Variants in ZNF605 observed in about 807,000 individuals in gnomAD.
The protein encoded by ZNF605 is zinc finger protein 605.
In ZNF605, 9 loss-of-function variants were observed where a neutral mutation model predicts 7.9. The ratio of observed to expected loss-of-function variants is 1.14; its 90% CI spans 0.68 to 1.98. ZNF605 has a LOEUF of 1.98. Ranked by LOEUF, ZNF605 falls within the 30% of genes most tolerant of loss-of-function variation. ZNF605 has a pLI of 0.00. For missense variants in ZNF605, 673 were observed against 762.4 expected, an observed-to-expected ratio of 0.88 and a Z score of 1.38; for synonymous variants, 255 against 260.1, an observed-to-expected ratio of 0.98 and a Z score of 0.19.
intron 3 of ZNF605, among the ~76,000 whole-genome samples, chr12:132,940,414 C>T (rs1952423993): frequency 6.6e-6 from 1 of 152,198 alleles, no homozygotes; most frequent in Non-Finnish European, 1.5e-5. Context: ...CAAGGCTTTA[C>T]CCTGTGGGCC....
chr12:132,950,938 C>T (rs958518838), intron 1 of ZNF605, among the ~76,000 whole-genome samples: 5 of 149,726 alleles, frequency 3.3e-5, no homozygotes, highest in South Asian at 4.2e-4. Context: ...TACACAGACA[C>T]GTACACATAG....
At chr12:132,939,084 C>A (rs1290026821) in intron 3 of ZNF605, among the ~76,000 whole-genome samples, 1 of 151,800 alleles carries the variant, frequency 6.6e-6, no homozygotes, top group African/African-American at 2.4e-5. Context: ...ACGAGCACCA[C>A]CCCCTGCTCC....
chr12:132,940,371 T>C (rs1228353574), intron 3 of ZNF605, among the ~76,000 whole-genome samples: 1 of 152,172 alleles, frequency 6.6e-6, no homozygotes, highest in Non-Finnish European at 1.5e-5. Context: ...AAAAGGTCTG[T>C]GCGAAATTTC....
intron 4 of ZNF605, among the ~76,000 whole-genome samples, chr12:132,931,983 G>A (rs1952312841): frequency 6.6e-6 from 1 of 152,218 alleles, no homozygotes; most frequent in Admixed American, 6.5e-5. Flanking sequence ...CTGTTGCCTA[G>A]CACATCCATG....
At chr12:132,939,828 A>G (rs7307417) in intron 3 of ZNF605, among the ~76,000 whole-genome samples, 2,275 of 149,288 alleles carry the variant, frequency 0.015, 87 homozygotes, top group African/African-American at 0.055. Flanking sequence ...CACCGCGAAG[A>G]TCTGCAGCTT....
intron 3 of ZNF605, among the ~76,000 whole-genome samples, chr12:132,934,032 G>A (rs1051556823): frequency 1.1e-4 from 16 of 152,060 alleles, no homozygotes; most frequent in African/African-American, 2.2e-4. Flanking sequence ...TGAGGTGGGC[G>A]GATCACCTGA....
chr12:132,950,833 C>T (rs1446601804), intron 1 of ZNF605, among the ~76,000 whole-genome samples: 6 of 151,208 alleles, frequency 4.0e-5, no homozygotes, highest in Non-Finnish European at 8.8e-5. Flanking sequence ...ACACTGATAA[C>T]GAACATCACA....
chr12:132,927,682 G>C (rs1315113741), intron 4 of ZNF605, among the ~76,000 whole-genome samples: 2 of 144,544 alleles, frequency 1.4e-5, no homozygotes, highest in African/African-American at 2.6e-5. Context: ...TTTTTAGAGG[G>C]AGTCTCACTC....
At chr12:132,932,050 G>A (rs2137131963) in intron 4 of ZNF605, among the ~76,000 whole-genome samples, 2 of 152,264 alleles carry the variant, frequency 1.3e-5, no homozygotes, top group South Asian at 4.2e-4. Context: ...CAGCCTCCCA[G>A]GTAGCTGGCA....
In ZNF605 at chr12:132,941,962, C is replaced by A. The variant is rs1024885761; in HGVS notation, c.15+3659G>T. On this transcript the variant is annotated intron_variant, in intron 3 of 4. Transcript: ENST00000360187. This position sits in a 1 kb window ranked among gnomAD's most constrained non-coding sequence, Gnocchi z 5.1. Reference sequence around the variant, plus strand: ...TCCCCTTTCTGAAGCCTCAAATAGACGGGAGATATGTAAACCTATTTTTAA... The same window carrying A: ...TCCCCTTTCTGAAGCCTCAAATAGAAGGGAGATATGTAAACCTATTTTTAA... 6.6e-6 allele frequency among the ~76,000 whole-genome samples: 1 copy of A among 152,188 alleles called. No individual in the cohort carries two copies. Among genetic ancestry groups the A allele is most frequent in the Non-Finnish European group, 1.5e-5 (1 of 68,036 alleles).
intron 4 of ZNF605, among the ~76,000 whole-genome samples, chr12:132,929,031 AAACAAAACAAAAC>A (rs1221793407): frequency 6.9e-5 from 1 of 14,548 alleles, no homozygotes; most frequent in Non-Finnish European, 4.7e-4. Flanking sequence ...AAACAAAACA[AAACAAAACAAAAC>A]AAAAAAACCC....
intron 3 of ZNF605, among the ~76,000 whole-genome samples, chr12:132,943,081 G>A (rs1023212107): frequency 2.0e-5 from 3 of 152,136 alleles, no homozygotes; most frequent in Middle Eastern, 3.4e-3. Flanking sequence ...CCTGTAGTGC[G>A]GCCGGGCACG....
At chr12:132,953,022 C>T (rs1952588745) in intron 1 of ZNF605, among the ~76,000 whole-genome samples, 1 of 152,170 alleles carries the variant, frequency 6.6e-6, no homozygotes, top group African/African-American at 2.4e-5. Flanking sequence ...CTGCCAACCT[C>T]CAGCATCCCA....
In ZNF605 at chr12:132,927,356, T is replaced by C. The variant is rs1275660831; in HGVS notation, c.137-194A>G. Among the ~76,000 whole-genome samples, 6 of 152,194 alleles carry C rather than the reference T, an allele frequency of 3.9e-5. No individual in the cohort carries two copies. The East Asian group carries it at 1.2e-3, about 29-fold the overall frequency. ...TACAAATGTTTAAATACATGAACTT[T>C]TATTTTTACTGTTTATATATATTTT... On this transcript the variant is annotated intron_variant, in intron 4 of 4. Coordinates refer to ENST00000360187, the MANE Select transcript of ZNF605 (RefSeq NM_183238.4).
chr12:132,953,246 C>T (rs2137169379), intron 1 of ZNF605, among the ~76,000 whole-genome samples: 1 of 152,312 alleles, frequency 6.6e-6, no homozygotes, highest in East Asian at 1.9e-4. Context: ...GTCTCTCTCC[C>T]CAAGAGGCCG....
rs1952218940 is a variant in ZNF605 at position 132,923,213 on chromosome 12, C to A, written c.*2160G>T. The A allele has an allele frequency of 1.3e-5, 2 of 152,182 alleles. No individual in the cohort carries two copies. The highest frequency in any genetic ancestry group is 1.3e-4 in the Admixed American group (2 of 15,276). 9.4% of individuals were successfully genotyped at this position (152,182 alleles called of 1,614,324 possible). On this transcript the variant is annotated 3_prime_UTR_variant, in exon 5 of 5. Transcript: ENST00000360187. ...TTACTTTGGCTTTAAGCAGCCAATT[C>A]CCTTTTAAAAAGATTTTAAAAAGAG...
intron 3 of ZNF605, among the ~76,000 whole-genome samples, chr12:132,938,896 G>A (rs1401528408): frequency 6.6e-6 from 1 of 152,140 alleles, no homozygotes; most frequent in Non-Finnish European, 1.5e-5. Context: ...TTAGCACCCG[G>A]GCCAGTGGCT....
At chr12:132,954,952 C>G (rs977626435) in intron 1 of ZNF605, among the ~76,000 whole-genome samples, 19 of 152,158 alleles carry the variant, frequency 1.2e-4, no homozygotes, top group African/African-American at 4.3e-4. Context: ...CAGAAACAAA[C>G]CCCAGCCACT....
At chr12:132,955,070 AG>A (rs1415432371) in intron 1 of ZNF605, among the ~76,000 whole-genome samples, 9 of 152,182 alleles carry the variant, frequency 5.9e-5, no homozygotes, top group Non-Finnish European at 1.2e-4. Flanking sequence ...GACAGAGCAA[AG>A]AAAGACGGTT....
Sources: allele counts gnomAD v4.1 joint callset (sites outside exome capture counted in the v4.1 genomes callset), GRCh38; gene constraint gnomAD v4.1.1; non-coding constraint Gnocchi (gnomAD v3.1); transcripts MANE v1.5; gene names NCBI Gene and HGNC (gene_info 2026-07-23, HGNC 2026-07-21).